Variants in DHX36 observed in about 807,000 individuals in gnomAD.
The protein encoded by DHX36 is ATP-dependent DNA/RNA helicase DHX36.
A neutral mutation model predicts 139.0 loss-of-function variants in DHX36; 50 were observed. The ratio of observed to expected loss-of-function variants is 0.36; its 90% CI spans 0.29 to 0.46. The LOEUF (loss-of-function observed/expected upper bound fraction) is 0.46. Among genes scored for constraint, DHX36 ranks in the 20% least tolerant of loss-of-function variants. The pLI, the probability that DHX36 is intolerant of heterozygous loss-of-function variation, is 1.00. For synonymous variants in DHX36, 425 were observed against 401.9 expected (o/e 1.06, Z -0.69); for missense variants, 1,024 against 1,211.3 (o/e 0.85, Z 2.29).
intron 1 of DHX36, among the ~76,000 whole-genome samples, chr3:154,322,974 G>A (rs1461806646): frequency 2.0e-5 from 3 of 152,148 alleles, no homozygotes; most frequent in Admixed American, 1.3e-4. Context: ...AAATGGATAA[G>A]GCCCCCAAAA....
Position 154,324,393 on chromosome 3 carries a change from G to A in DHX36, c.24C>T (p.Asn8=). 1.9e-6 allele frequency: 3 copies of A among 1,567,714 alleles called. No homozygotes were observed. Among genetic ancestry groups the A allele is most frequent in the Non-Finnish European group, 2.6e-6 (3 of 1,154,840 alleles). Residue 8 remains asparagine (N), a synonymous_variant, in exon 1 of 25, where the codon AAC becomes AAT. Coordinates refer to ENST00000496811, the MANE Select transcript of DHX36 (RefSeq NM_020865.3). The part of the protein sequence containing the change: MSYDYHQ[N]WGRDGGPRSS... ...TGCGGGGACCCCCATCACGGCCCCAGTTCTGATGGTAGTCATAACTCATTG... is the reference window on the plus strand; with the variant it reads ...TGCGGGGACCCCCATCACGGCCCCAATTCTGATGGTAGTCATAACTCATTG...
At chr3:154,307,517 C>T (rs1238970311) in intron 5 of DHX36, among the ~76,000 whole-genome samples, 3 of 152,038 alleles carry the variant, frequency 2.0e-5, no homozygotes, top group South Asian at 2.1e-4. Context: ...ATGAAAAATG[C>T]ACAACATCAC....
Position 154,277,685 on chromosome 3 carries a change from A to G in DHX36, c.2601T>C (p.Val867=). Residue 867 remains valine, a synonymous_variant, in exon 23 of 25, where the codon GTT becomes GTC. Coordinates refer to ENST00000496811, the MANE Select transcript of DHX36 (RefSeq NM_020865.3). ...VKVYTKTDGL[V]AVHPKSVNVE... is the part of the protein sequence containing the mutation. ...CATTAACAGATTTAGGATGAACAGC[A>G]ACCAGGCCATCGGTTTTTGTGTAAA... The G allele has an allele frequency of 6.2e-7, 1 of 1,610,928 alleles. No individual in the cohort carries two copies. Among genetic ancestry groups the G allele is most frequent in the Non-Finnish European group, 8.5e-7 (1 of 1,177,944 alleles).
At chr3:154,282,415 T>A (rs1383785839) in intron 20 of DHX36, among the ~76,000 whole-genome samples, 1 of 152,148 alleles carries the variant, frequency 6.6e-6, no homozygotes, top group Non-Finnish European at 1.5e-5. Context: ...AGGTGTCTTT[T>A]CATTCACTCT....
At chr3:154,314,326 C>T (rs1483984573) in intron 3 of DHX36, among the ~76,000 whole-genome samples, 1 of 152,174 alleles carries the variant, frequency 6.6e-6, no homozygotes, top group Non-Finnish European at 1.5e-5. Context: ...GGAAATTCAG[C>T]TTTCATCAGT....
At chr3:154,289,522 T>C (rs1336205036) in intron 16 of DHX36, among the ~76,000 whole-genome samples, 187 bp downstream of exon 16, 1 of 152,192 alleles carries the variant, frequency 6.6e-6, no homozygotes, top group South Asian at 2.1e-4. Context: ...TCTAGAGCAG[T>C]ATATAATTTA....
At chr3:154,287,579 G>A (rs930171173) in intron 17 of DHX36, among the ~76,000 whole-genome samples, 1 of 151,988 alleles carries the variant, frequency 6.6e-6, no homozygotes, top group African/African-American at 2.4e-5. Flanking sequence ...GAATCTGGGA[G>A]GTGGAGGTTG....
At chr3:154,299,324 T>C (rs1472154751) in intron 12 of DHX36, among the ~76,000 whole-genome samples, 4 of 152,216 alleles carry the variant, frequency 2.6e-5, no homozygotes, top group African/African-American at 7.2e-5. Context: ...ATTTTCTTTG[T>C]AGTTTTTATA....
intron 9 of DHX36, among the ~76,000 whole-genome samples, chr3:154,302,491 C>T (rs1272484656): frequency 1.3e-5 from 2 of 152,120 alleles, no homozygotes; most frequent in Non-Finnish European, 2.9e-5. Flanking sequence ...AGGTTCAAGG[C>T]ATCTGTGGTA....
At chr3:154,295,432 C>A in intron 12 of DHX36, 93 bp from the exon 13 acceptor site, 1 of 540,174 alleles carries the variant, frequency 1.9e-6, no homozygotes, top group Non-Finnish European at 3.2e-6. Flanking sequence ...AGCTGAACCA[C>A]TCAATTCTTT....
intron 1 of DHX36, among the ~76,000 whole-genome samples, chr3:154,317,747 G>A (rs1713039336): frequency 6.6e-6 from 1 of 152,034 alleles, no homozygotes; most frequent in Admixed American, 6.6e-5. Context: ...GAAAAAAGAG[G>A]GAAGCAGGAG....
At chr3:154,295,366 A>G (rs755302935) in intron 12 of DHX36, 27 bp from the exon 13 acceptor site, 1 of 1,303,400 alleles carries the variant, frequency 7.7e-7, no homozygotes, top group Non-Finnish European at 1.1e-6. Context: ...ATTAAATTTT[A>G]AGATAAAGAG....
intron 17 of DHX36, among the ~76,000 whole-genome samples, chr3:154,285,245 T>A (rs778273225): frequency 6.6e-6 from 1 of 152,198 alleles, no homozygotes; most frequent in Non-Finnish European, 1.5e-5. Context: ...AATGACAAAC[T>A]TTCTGTTAAA....
intron 1 of DHX36, among the ~76,000 whole-genome samples, chr3:154,323,780 G>C (rs1046727092): frequency 4.6e-5 from 7 of 152,074 alleles, no homozygotes; most frequent in Admixed American, 4.6e-4. Flanking sequence ...AATGTAGAAA[G>C]GTCGCTATGT....
chr3:154,296,497 T>C (rs915457357), intron 12 of DHX36, among the ~76,000 whole-genome samples: 4 of 145,136 alleles, frequency 2.8e-5, no homozygotes, highest in Non-Finnish European at 6.3e-5. Context: ...ATAATAATAA[T>C]AATACATTCC....
At chr3:154,300,740 TTC>T (rs757429259) in intron 10 of DHX36, 44 bp from the exon 11 acceptor site, 43 of 1,498,052 alleles carry the variant, frequency 2.9e-5, no homozygotes, top group Non-Finnish European at 4.0e-5. Context: ...TAATCAAGTT[TTC>T]TGTTAACTTG....
chr3:154,301,068 T>G lies in DHX36; in HGVS notation c.1277A>C (p.His426Pro). ...SQFKRGFMQGHVNRQEKEEKE... is the reference protein window; with the variant it reads ...SQFKRGFMQGPVNRQEKEEKE... ...TTCTTCTTTTTCTTGTCTATTTACA[T>G]GCCCTTGCATGAAACCCCTCTTAAA... Residue 426 changes from histidine to proline, a missense_variant, in exon 10 of 25, where the codon CAT becomes CCT. Physicochemically the swap from His to Pro is moderately conservative, Grantham distance 77. This residue lies in a region of DHX36 where 115 missense variants were observed against 105.6 expected (regional missense o/e 1.09). Coordinates refer to ENST00000496811, the MANE Select transcript of DHX36 (RefSeq NM_020865.3). 2 of 1,613,132 alleles carry G rather than the reference T, an allele frequency of 1.2e-6. No homozygotes were observed. Among genetic ancestry groups the G allele is most frequent in the South Asian group, 1.1e-5 (1 of 90,654 alleles).
At chr3:154,316,801 T>TG (rs903922153) in intron 1 of DHX36, among the ~76,000 whole-genome samples, 12 of 146,420 alleles carry the variant, frequency 8.2e-5, no homozygotes, top group African/African-American at 2.5e-4. Context: ...ATGTCCAAGG[T>TG]GAAAAAAAAA....
At chr3:154,321,529 C>G (rs971923836) in intron 1 of DHX36, among the ~76,000 whole-genome samples, 2 of 152,146 alleles carry the variant, frequency 1.3e-5, no homozygotes, top group African/African-American at 2.4e-5. Flanking sequence ...ATTTATCGCT[C>G]CAAACACACC....
Sources: gnomAD v4.1 joint callset for allele counts (sites outside exome capture counted in the v4.1 genomes callset) on GRCh38, gnomAD v4.1.1 for gene constraint, gnomAD v4.1.1 regional missense constraint, MANE v1.5 for transcripts, NCBI Gene and HGNC (gene_info 2026-07-23, HGNC 2026-07-21) for gene names.